Variants in FHIT observed in about 807,000 individuals in gnomAD.
FHIT encodes bis(5'-adenosyl)-triphosphatase.
A neutral mutation model predicts 17.9 loss-of-function variants in FHIT; 19 were observed. The ratio of observed to expected loss-of-function variants is 1.06; its 90% CI spans 0.74 to 1.56. The LOEUF (loss-of-function observed/expected upper bound fraction) is 1.56, where lower values mean the gene tolerates loss of function less well. Ranked by LOEUF, FHIT falls within the 40% of genes most tolerant of loss-of-function variation. The pLI, the probability that FHIT is intolerant of heterozygous loss-of-function variation, is 0.00. For missense variants in FHIT, 248 were observed against 189.2 expected, an observed-to-expected ratio of 1.31 and a Z score of -1.82; for synonymous variants, 81 against 69.7, an observed-to-expected ratio of 1.16 and a Z score of -0.81.
intron 2 of FHIT, among the ~76,000 whole-genome samples, chr3:61,178,284 T>C (rs1032674691): frequency 2.0e-5 from 3 of 152,002 alleles, no homozygotes; most frequent in Non-Finnish European, 2.9e-5. Flanking sequence ...CACCCTCATT[T>C]TCAGAGGTGG....
At chr3:59,774,721 T>C (rs1215228640) in intron 8 of FHIT, among the ~76,000 whole-genome samples, 3 of 152,224 alleles carry the variant, frequency 2.0e-5, no homozygotes, top group African/African-American at 7.2e-5. Context: ...TTCTGTCTTG[T>C]TCCAGCTGTT....
intron 8 of FHIT, among the ~76,000 whole-genome samples, chr3:59,886,768 G>A (rs957478758): frequency 2.0e-5 from 3 of 152,192 alleles, no homozygotes; most frequent in African/African-American, 7.2e-5. Context: ...CATGAGGTTA[G>A]GAGGGCACAA....
intron 1 of FHIT, among the ~76,000 whole-genome samples, chr3:61,220,653 T>C (rs182696476): frequency 6.6e-6 from 1 of 152,312 alleles, no homozygotes; most frequent in East Asian, 1.9e-4. Context: ...ATCTGTCTTG[T>C]TCTATATTAA....
chr3:61,023,120 A>C (rs1392094509), intron 3 of FHIT, among the ~76,000 whole-genome samples: 2 of 152,222 alleles, frequency 1.3e-5, no homozygotes, highest in African/African-American at 4.8e-5. Context: ...AAATCTCCTT[A>C]AGCTGATAAG....
chr3:60,210,822 C>T (rs993862450), intron 5 of FHIT, among the ~76,000 whole-genome samples: 2 of 151,722 alleles, frequency 1.3e-5, no homozygotes, highest in East Asian at 1.9e-4. Flanking sequence ...ATATGCAAAC[C>T]CTATGGATAA....
At chr3:60,564,375 C>T (rs188484905) in intron 4 of FHIT, among the ~76,000 whole-genome samples, 6 of 152,126 alleles carry the variant, frequency 3.9e-5, no homozygotes, top group Non-Finnish European at 8.8e-5. Context: ...CTTGCTAATA[C>T]AATATCTATT....
chr3:60,234,424 A>G (rs1055932718), intron 5 of FHIT, among the ~76,000 whole-genome samples: 8 of 152,206 alleles, frequency 5.3e-5, no homozygotes, highest in Non-Finnish European at 1.0e-4. Flanking sequence ...ATATCCATAC[A>G]CAATACATGC....
intron 3 of FHIT, among the ~76,000 whole-genome samples, chr3:60,889,468 C>A (rs1490137894): frequency 6.6e-6 from 1 of 152,176 alleles, no homozygotes; most frequent in East Asian, 1.9e-4. Flanking sequence ...CTTTGACATT[C>A]ATTTATATAA....
At chr3:60,496,402 T>A (rs1251689357) in intron 5 of FHIT, among the ~76,000 whole-genome samples, 1 of 152,202 alleles carries the variant, frequency 6.6e-6, no homozygotes, top group Non-Finnish European at 1.5e-5. Flanking sequence ...GCAAACGTTT[T>A]ACTCCACTGG....
intron 5 of FHIT, among the ~76,000 whole-genome samples, chr3:60,271,942 T>C (rs1706886693): frequency 6.6e-6 from 1 of 152,184 alleles, no homozygotes; most frequent in Non-Finnish European, 1.5e-5. Context: ...TTTATGTACA[T>C]TGTTTCATTA....
At chr3:60,997,697 T>A (rs1441272620) in intron 3 of FHIT, among the ~76,000 whole-genome samples, 1 of 152,224 alleles carries the variant, frequency 6.6e-6, no homozygotes, top group Non-Finnish European at 1.5e-5. Flanking sequence ...ATACTAGCCC[T>A]TGGTCTGCTG....
chr3:60,719,444 C>T (rs2041760905), intron 4 of FHIT, among the ~76,000 whole-genome samples: 1 of 152,144 alleles, frequency 6.6e-6, no homozygotes, highest in South Asian at 2.1e-4. Context: ...CTGTATAACT[C>T]TCCATCTTTC....
chr3:60,248,280 C>A (rs1179698685), intron 5 of FHIT, among the ~76,000 whole-genome samples: 1 of 152,058 alleles, frequency 6.6e-6, no homozygotes, highest in African/African-American at 2.4e-5. Flanking sequence ...AAATAATATT[C>A]CTGATCTGAG....
At chr3:61,115,447 T>C (rs1283170582) in intron 2 of FHIT, among the ~76,000 whole-genome samples, 3 of 151,626 alleles carry the variant, frequency 2.0e-5, no homozygotes, top group African/African-American at 7.3e-5. Context: ...AGCCCAACTG[T>C]CCAGTGGGAG....
intron 5 of FHIT, among the ~76,000 whole-genome samples, chr3:60,125,006 T>A: frequency 6.6e-6 from 1 of 152,330 alleles, no homozygotes; most frequent in South Asian, 2.1e-4. Context: ...TTCTCACGCA[T>A]GTCTCTTACA....
intron 8 of FHIT, among the ~76,000 whole-genome samples, chr3:59,896,707 G>A (rs1388618598): frequency 1.3e-5 from 2 of 152,162 alleles, no homozygotes; most frequent in Non-Finnish European, 2.9e-5. Flanking sequence ...GTTCAGCAGT[G>A]TGGACCAGCA....
At chr3:60,995,520 C>CA (rs2030608456) in intron 3 of FHIT, among the ~76,000 whole-genome samples, 1 of 152,100 alleles carries the variant, frequency 6.6e-6, no homozygotes, top group Admixed American at 6.5e-5. Flanking sequence ...GCTGTAGGAA[C>CA]ACAGTTGCTG....
At chr3:61,021,067 A>C (rs11705843) in intron 3 of FHIT, among the ~76,000 whole-genome samples, 150,752 of 152,200 alleles carry the variant, frequency 0.99, 74,670 homozygotes, top group East Asian at 1. Context: ...GACTTAGACT[A>C]CCACAGAATA....
intron 7 of FHIT, among the ~76,000 whole-genome samples, chr3:59,933,199 C>A (rs1056418765): frequency 6.6e-6 from 1 of 152,096 alleles, no homozygotes; most frequent in African/African-American, 2.4e-5. Flanking sequence ...GGTTCTTTCA[C>A]GGGCTGGTAA....
Sources: allele counts gnomAD v4.1 joint callset (sites outside exome capture counted in the v4.1 genomes callset), GRCh38; gene constraint gnomAD v4.1.1; transcripts MANE v1.5; gene names NCBI Gene and HGNC (gene_info 2026-07-23, HGNC 2026-07-21).